ZNF521: variants seen among roughly 807,000 people sequenced by gnomAD.
ZNF521 encodes zinc finger protein 521.
In ZNF521, 14 loss-of-function variants were observed where a neutral mutation model predicts 105.5. The ratio of observed to expected loss-of-function variants is 0.13; its 90% CI spans 0.09 to 0.21. ZNF521 has a LOEUF of 0.21. Among genes scored for constraint, ZNF521 ranks in the 10% least tolerant of loss-of-function variants. The pLI is 1.00. For synonymous variants in ZNF521, 635 were observed against 606.0 expected (o/e 1.05, Z -0.70); for missense variants, 1,233 against 1,629.7 (o/e 0.76, Z 4.19).
intron 4 of ZNF521, among the ~76,000 whole-genome samples, chr18:25,212,538 AATATATATAT>A (rs1279194731): frequency 3.1e-4 from 15 of 48,144 alleles, no homozygotes; most frequent in African/African-American, 1.4e-3. Flanking sequence ...AAAAAAAAAA[AATATATATAT>A]ATATATATAT....
At chr18:25,087,416 T>C (rs1277681763) in intron 7 of ZNF521, among the ~76,000 whole-genome samples, 1 of 152,216 alleles carries the variant, frequency 6.6e-6, no homozygotes, top group Non-Finnish European at 1.5e-5. Flanking sequence ...TGAAAGACAT[T>C]GATGGTACCA....
chr18:25,252,934 A>G (rs542064629), intron 3 of ZNF521, among the ~76,000 whole-genome samples: 1 of 152,294 alleles, frequency 6.6e-6, no homozygotes, highest in Non-Finnish European at 1.5e-5. Context: ...TAAAGGGTGT[A>G]TGCTAATTCC....
chr18:25,287,555 A>G (rs1185006152), intron 3 of ZNF521, among the ~76,000 whole-genome samples: 1 of 152,154 alleles, frequency 6.6e-6, no homozygotes, highest in Non-Finnish European at 1.5e-5. Flanking sequence ...TCTGCAAGAC[A>G]TAAAAACCCT....
intron 3 of ZNF521, among the ~76,000 whole-genome samples, chr18:25,278,276 T>C (rs1475969192): frequency 1.3e-5 from 2 of 152,198 alleles, no homozygotes; most frequent in South Asian, 2.1e-4. Flanking sequence ...TCATCTGTGA[T>C]TTTTTGTGTT....
intron 3 of ZNF521, among the ~76,000 whole-genome samples, chr18:25,265,688 C>T (rs1275612423): frequency 6.6e-6 from 1 of 152,174 alleles, no homozygotes; most frequent in Non-Finnish European, 1.5e-5. Context: ...CATTGCGGGG[C>T]ATATACCCAA....
chr18:25,220,661 A>G (rs759445236), intron 4 of ZNF521, among the ~76,000 whole-genome samples: 2 of 152,200 alleles, frequency 1.3e-5, no homozygotes, highest in East Asian at 1.9e-4. Flanking sequence ...CATGGAGATC[A>G]TGAGGATAAT....
chr18:25,166,809 A>G (rs2035350298), intron 5 of ZNF521, among the ~76,000 whole-genome samples: 1 of 152,162 alleles, frequency 6.6e-6, no homozygotes, highest in African/African-American at 2.4e-5. Flanking sequence ...TTAAATATTG[A>G]TATTAATGTT....
intron 2 of ZNF521, among the ~76,000 whole-genome samples, chr18:25,329,762 A>T (rs1913447022): frequency 6.6e-6 from 1 of 152,206 alleles, no homozygotes; most frequent in South Asian, 2.1e-4. Flanking sequence ...GGAGTGAATG[A>T]TCTGATTGAC....
intron 3 of ZNF521, among the ~76,000 whole-genome samples, chr18:25,310,076 A>G (rs988330513): frequency 4.6e-5 from 7 of 152,142 alleles, no homozygotes; most frequent in Non-Finnish European, 1.0e-4. Context: ...AGAGATCTGA[A>G]TATCTACCTC....
intron 4 of ZNF521, among the ~76,000 whole-genome samples, chr18:25,199,088 T>C (rs1181081340): frequency 6.6e-6 from 1 of 151,932 alleles, no homozygotes; most frequent in African/African-American, 2.4e-5. Context: ...TTGAATCTAA[T>C]TAAGTCTTTA....
At chr18:25,084,659 TA>T (rs2033581464) in intron 7 of ZNF521, among the ~76,000 whole-genome samples, 1 of 152,212 alleles carries the variant, frequency 6.6e-6, no homozygotes, top group African/African-American at 2.4e-5. Context: ...TTTCAGAGCC[TA>T]AAGTTCAACT....
At chr18:25,191,566 T>C (rs997821000) in intron 5 of ZNF521, among the ~76,000 whole-genome samples, 17 of 152,296 alleles carry the variant, frequency 1.1e-4, no homozygotes, top group South Asian at 2.1e-4. Context: ...CCAACCTCCA[T>C]AGTGATCGAA....
rs1906258827 is a variant in ZNF521, at chr18:25,227,694, C to G, written c.224G>C (p.Gly75Ala). 1 of 1,606,528 alleles carries G rather than the reference C, an allele frequency of 6.2e-7. No individual in the cohort carries two copies. Among genetic ancestry groups the G allele is most frequent in the Non-Finnish European group, 8.5e-7 (1 of 1,176,076 alleles). Residue 75 changes from glycine to alanine, a missense_variant, in exon 4 of 8, where the codon GGA becomes GCA. Physicochemically the swap from Gly to Ala is moderately conservative, Grantham distance 60. This residue lies in a region of ZNF521 where 85 missense variants were observed against 162.2 expected (regional missense o/e 0.52). Transcript: ENST00000361524. The surrounding 1 kb of genome is among the most constrained non-coding windows in gnomAD (Gnocchi z 5.7). ...AGTCGGATCATCTTCAACATCCACTCCATCTGCAACAAGAAGCAATGACAA... is the reference window on the plus strand; with the variant it reads ...AGTCGGATCATCTTCAACATCCACTGCATCTGCAACAAGAAGCAATGACAA... ...HKINQCQLTD[G>A]VDVEDDPTCS... is the part of the protein sequence containing the mutation.
At chr18:25,111,267 T>A (rs1433544093) in intron 5 of ZNF521, among the ~76,000 whole-genome samples, 1 of 152,190 alleles carries the variant, frequency 6.6e-6, no homozygotes, top group Non-Finnish European at 1.5e-5. Flanking sequence ...ATGGTCTGAA[T>A]AAGCACTTCA....
At chr18:25,323,524 C>T (rs1447543083) in intron 2 of ZNF521, among the ~76,000 whole-genome samples, 1 of 152,118 alleles carries the variant, frequency 6.6e-6, no homozygotes, top group East Asian at 1.9e-4. Context: ...TCACTGCAGC[C>T]TCCAACTCCT....
intron 4 of ZNF521, chr18:25,200,915 C>A (rs2035980646): frequency 6.6e-6 from 1 of 152,020 alleles, no homozygotes; most frequent in Admixed American, 6.6e-5. Flanking sequence ...AGCTTCTAAA[C>A]ATGCTTATTT....
intron 2 of ZNF521, among the ~76,000 whole-genome samples, chr18:25,338,613 T>C (rs993984802): frequency 3.9e-5 from 6 of 152,122 alleles, no homozygotes; most frequent in African/African-American, 7.2e-5. Flanking sequence ...GGATTCACCA[T>C]GTTGCCCAGG....
intron 2 of ZNF521, among the ~76,000 whole-genome samples, chr18:25,340,299 G>C (rs1430183532): frequency 1.3e-5 from 2 of 152,076 alleles, no homozygotes; most frequent in Non-Finnish European, 2.9e-5. Flanking sequence ...AGGTTGCAGG[G>C]AGCCAAGATA....
intron 4 of ZNF521, among the ~76,000 whole-genome samples, chr18:25,219,899 G>T (rs1905587820): frequency 6.6e-6 from 1 of 152,172 alleles, no homozygotes; most frequent in Non-Finnish European, 1.5e-5. Context: ...TTTTAAATCT[G>T]CTGAGTACTG....
Sources: gnomAD v4.1 joint callset for allele counts (sites outside exome capture counted in the v4.1 genomes callset) on GRCh38, gnomAD v4.1.1 for gene constraint, gnomAD v4.1.1 regional missense constraint, Gnocchi (gnomAD v3.1) non-coding constraint, MANE v1.5 for transcripts, NCBI Gene and HGNC (gene_info 2026-07-23, HGNC 2026-07-21) for gene names.